Variants in FGF10 observed in about 807,000 individuals in gnomAD.
FGF10 encodes fibroblast growth factor 10.
A neutral mutation model predicts 19.8 loss-of-function variants in FGF10; 2 were observed. The observed-to-expected ratio is 0.10, with a 90% CI of 0.04 to 0.32. FGF10 has a LOEUF of 0.32. FGF10 is among the 10% of genes least tolerant of loss of function. The pLI is 1.00. For synonymous variants in FGF10, 112 were observed against 94.0 expected, an observed-to-expected ratio of 1.19 and a Z score of -1.10; for missense variants, 191 against 246.3, an observed-to-expected ratio of 0.78 and a Z score of 1.50.
Position 44,302,164 on chromosome 5 carries a change from C to T in FGF10, c.*2831G>A, listed in dbSNP as rs1042107478. On this transcript the variant is annotated 3_prime_UTR_variant, in exon 3 of 3. Transcript: ENST00000264664. Reference sequence around the variant, plus strand: ...TGCAAAAGGGACCAGAATTCTATTTCCATTTCAAGCAAATATGCCACTTTT... The same window carrying T: ...TGCAAAAGGGACCAGAATTCTATTTTCATTTCAAGCAAATATGCCACTTTT... Among the ~76,000 whole-genome samples the T allele has an allele frequency of 6.6e-6, 1 of 150,882 alleles. No homozygotes were observed. Among genetic ancestry groups the T allele is most frequent in the East Asian group, 2.0e-4 (1 of 5,124 alleles).
At chr5:44,349,332 T>C (rs1741163530) in intron 1 of FGF10, among the ~76,000 whole-genome samples, 1 of 147,142 alleles carries the variant, frequency 6.8e-6, no homozygotes, top group African/African-American at 2.5e-5. Flanking sequence ...CTATCTTTTT[T>C]TTACCACCAC....
chr5:44,333,827 G>T (rs559512847), intron 1 of FGF10, among the ~76,000 whole-genome samples: 3 of 152,178 alleles, frequency 2.0e-5, no homozygotes, highest in African/African-American at 4.8e-5. Context: ...AATGTGTGTT[G>T]GTGTCTCAGC....
intron 2 of FGF10, among the ~76,000 whole-genome samples, chr5:44,307,006 A>G (rs573004160): frequency 1.5e-3 from 221 of 152,304 alleles, no homozygotes; most frequent in Middle Eastern, 3.4e-3. Context: ...GTTCATTTCA[A>G]TCAATAAATG....
rs1740023567 is a variant in FGF10 at position 44,304,228 on chromosome 5, G to A, written c.*767C>T. ...CCTAATCCCAACTCCTATTTTTGAA[G>A]TGTTCGCCAAGTTTTAAAAACACTT... On this transcript the variant is annotated 3_prime_UTR_variant, in exon 3 of 3. Transcript: ENST00000264664. 2.0e-5 allele frequency: 3 copies of A among 152,118 alleles called. No individual in the cohort carries two copies. The highest frequency in any genetic ancestry group is 2.0e-4 in the Admixed American group (3 of 15,254). The allele number at this position is 152,118 out of a possible 1,614,324, so 9.4% of individuals were successfully genotyped here.
intron 1 of FGF10, among the ~76,000 whole-genome samples, chr5:44,321,784 C>G (rs1056746384): frequency 2.6e-5 from 4 of 152,108 alleles, no homozygotes; most frequent in Non-Finnish European, 5.9e-5. Flanking sequence ...TTTTTTGAGA[C>G]AGAATCTCAC....
At chr5:44,332,656 G>A (rs1263353849) in intron 1 of FGF10, among the ~76,000 whole-genome samples, 2 of 152,096 alleles carry the variant, frequency 1.3e-5, no homozygotes, top group Non-Finnish European at 1.5e-5. Flanking sequence ...CTGGGGTGAC[G>A]CCTTAGCTTC....
At chr5:44,342,517 A>G (rs902067635) in intron 1 of FGF10, among the ~76,000 whole-genome samples, 44 of 151,958 alleles carry the variant, frequency 2.9e-4, no homozygotes, top group African/African-American at 9.4e-4. Context: ...TTTAGGAAAA[A>G]AAAAAAAACT....
At chr5:44,368,790 C>T (rs577713253) in intron 1 of FGF10, among the ~76,000 whole-genome samples, 13 of 152,062 alleles carry the variant, frequency 8.5e-5, no homozygotes, top group African/African-American at 2.2e-4. Context: ...CTCAGACTCT[C>T]GAGTAGCTAG....
chr5:44,373,240 A>G (rs568393924), intron 1 of FGF10, among the ~76,000 whole-genome samples: 1 of 152,212 alleles, frequency 6.6e-6, no homozygotes, highest in African/African-American at 2.4e-5. Flanking sequence ...GGCTGAGGGA[A>G]TCCATCCATC....
At chr5:44,316,234 C>G (rs1038613567) in intron 1 of FGF10, among the ~76,000 whole-genome samples, 30 of 152,152 alleles carry the variant, frequency 2.0e-4, no homozygotes, top group Admixed American at 2.6e-4. Flanking sequence ...TCCTCATTCC[C>G]TTTCGTGTAA....
chr5:44,377,521 A>G (rs916803091), intron 1 of FGF10, among the ~76,000 whole-genome samples: 3 of 152,234 alleles, frequency 2.0e-5, no homozygotes, highest in African/African-American at 7.2e-5. Flanking sequence ...TTTATTCTAT[A>G]GTCATCAAAT....
chr5:44,331,625 G>A (rs1259515287), intron 1 of FGF10, among the ~76,000 whole-genome samples: 8 of 152,082 alleles, frequency 5.3e-5, no homozygotes, highest in African/African-American at 1.9e-4. Context: ...TCTTTCCTCT[G>A]TAAAGCCTTG....
chr5:44,382,058 G>A (rs371500034), intron 1 of FGF10, among the ~76,000 whole-genome samples: 1 of 152,168 alleles, frequency 6.6e-6, no homozygotes, highest in Admixed American at 6.5e-5. Context: ...TATAGGTAAA[G>A]GTGGACAGGT....
At position 44,340,659 on chromosome 5, in the gene FGF10, C is replaced by T. The variant is rs182843955; in HGVS notation, c.326-30129G>A. ...TTTAGGACAGCAGAGTGTTACTTAA[C>T]ATGAAATTCTGAAAGAAAATGCTTT... On this transcript the variant is annotated intron_variant, in intron 1 of 2. Coordinates refer to ENST00000264664, the MANE Select transcript of FGF10 (RefSeq NM_004465.2). 1.3e-4 allele frequency among the ~76,000 whole-genome samples: 19 copies of T among 151,938 alleles called. No homozygotes were observed. In the Middle Eastern group the frequency reaches 0.01, roughly 82 times the overall value.
chr5:44,305,900 A>G (rs992929035), intron 2 of FGF10, among the ~76,000 whole-genome samples: 1 of 152,188 alleles, frequency 6.6e-6, no homozygotes, highest in African/African-American at 2.4e-5. Context: ...AGCATGGTGA[A>G]TAGCAATGCC....
intron 1 of FGF10, among the ~76,000 whole-genome samples, chr5:44,329,526 T>C (rs887774385): frequency 2.6e-5 from 4 of 152,066 alleles, no homozygotes; most frequent in Non-Finnish European, 1.5e-5. Context: ...CTGGCATAGA[T>C]TGGTGATAGT....
At chr5:44,342,846 G>A (rs760834382) in intron 1 of FGF10, among the ~76,000 whole-genome samples, 7 of 151,910 alleles carry the variant, frequency 4.6e-5, no homozygotes, top group Non-Finnish European at 7.4e-5. Flanking sequence ...CAATTCTAGC[G>A]GAGTAAAGTG....
chr5:44,332,458 T>A (rs1483872393), intron 1 of FGF10, among the ~76,000 whole-genome samples: 1 of 152,176 alleles, frequency 6.6e-6, no homozygotes, highest in African/African-American at 2.4e-5. Context: ...TGTTTTTTCC[T>A]TTAAAGGAAC....
chr5:44,343,725 T>G (rs1279415792), intron 1 of FGF10, among the ~76,000 whole-genome samples: 1 of 151,976 alleles, frequency 6.6e-6, no homozygotes, highest in Non-Finnish European at 1.5e-5. Flanking sequence ...ACATAGCATA[T>G]AGCCACAATT....
Sources: allele counts gnomAD v4.1 joint callset (sites outside exome capture counted in the v4.1 genomes callset), GRCh38; gene constraint gnomAD v4.1.1; transcripts MANE v1.5; gene names NCBI Gene and HGNC (gene_info 2026-07-23, HGNC 2026-07-21).